Variants in GLCE observed in about 807,000 individuals in gnomAD.
GLCE encodes glucuronic acid epimerase, also known as D-glucuronyl C5-epimerase.
A neutral mutation model predicts 47.9 loss-of-function variants in GLCE; 19 were observed. That is an observed-to-expected ratio of 0.40 (90% CI 0.28 to 0.58). GLCE has a LOEUF of 0.58. GLCE is among the 20% of genes least tolerant of loss of function. GLCE has a pLI of 0.48. For synonymous variants in GLCE, 245 were observed against 263.4 expected, an observed-to-expected ratio of 0.93 and a Z score of 0.68; for missense variants, 556 against 743.3, an observed-to-expected ratio of 0.75 and a Z score of 2.93.
chr15:69,233,372 A>T (rs2052551079), intron 2 of GLCE, among the ~76,000 whole-genome samples: 1 of 152,152 alleles, frequency 6.6e-6, no homozygotes, highest in African/African-American at 2.4e-5. Context: ...TTAGTTTATA[A>T]ATTCCCCTTG....
intron 2 of GLCE, among the ~76,000 whole-genome samples, chr15:69,223,531 C>T (rs2052405361): frequency 6.6e-6 from 1 of 152,138 alleles, no homozygotes. Flanking sequence ...TCGATAGTTT[C>T]ATTATACTAT....
intron 1 of GLCE, among the ~76,000 whole-genome samples, chr15:69,204,407 C>G (rs201472987): frequency 1.3e-5 from 2 of 151,456 alleles, no homozygotes; most frequent in Non-Finnish European, 1.5e-5. Flanking sequence ...CTCAGCCTCC[C>G]GAGTAGCTGG....
At position 69,269,427 on chromosome 15, in the gene GLCE, G is replaced by T; in HGVS notation, c.*183G>T. The T allele has an allele frequency of 1.7e-6, 1 of 593,422 alleles. No homozygotes were observed. 36.8% of individuals were successfully genotyped at this position (593,422 alleles called of 1,614,324 possible). ...TTGCATTCCATGGGTTGGGTATTTA[G>T]AAATGTAGGTGGCATTTAGAACACA... On this transcript the variant is annotated 3_prime_UTR_variant, in exon 5 of 5. Coordinates refer to ENST00000261858, the MANE Select transcript of GLCE (RefSeq NM_015554.3).
At chr15:69,198,123 T>A (rs543437918) in intron 1 of GLCE, among the ~76,000 whole-genome samples, 80 of 152,220 alleles carry the variant, frequency 5.3e-4, no homozygotes, top group South Asian at 8.3e-4. Flanking sequence ...TTCTTTTTTT[T>A]AAAAAACCCT....
intron 2 of GLCE, among the ~76,000 whole-genome samples, chr15:69,247,408 G>A (rs1020816622): frequency 6.6e-6 from 1 of 152,158 alleles, no homozygotes; most frequent in Non-Finnish European, 1.5e-5. Context: ...GGATTATTAG[G>A]CTTTGGCTTC....
intron 2 of GLCE, among the ~76,000 whole-genome samples, chr15:69,232,506 A>C (rs2140406253): frequency 6.6e-6 from 1 of 152,142 alleles, no homozygotes; most frequent in East Asian, 1.9e-4. Context: ...CTTACTCCTG[A>C]GTTATTTGTC....
In GLCE at chr15:69,268,689, G is replaced by T. The variant is rs769357133; in HGVS notation, c.1299G>T (p.Gly433=). 6.2e-7 allele frequency: 1 copy of T among 1,614,192 alleles called. No homozygotes were observed. Among genetic ancestry groups the T allele is most frequent in the Admixed American group, 1.7e-5 (1 of 60,022 alleles). Residue 433 remains glycine (G), a synonymous_variant, in exon 5 of 5, where the codon GGG becomes GGT. Transcript: ENST00000261858. ...TGGTGACCCGTAAGTTAGGGGAAGG[G>T]TTCAAGTCTTTAGAGCCAGGATGGT... ...PIMVTRKLGE[G]FKSLEPGWYS...
chr15:69,212,374 C>T (rs1464317679), intron 2 of GLCE, among the ~76,000 whole-genome samples: 1 of 151,736 alleles, frequency 6.6e-6, no homozygotes, highest in Non-Finnish European at 1.5e-5. Context: ...GAAATAAACT[C>T]ATAGGAAAGT....
chr15:69,220,660 A>G (rs1488303311), intron 2 of GLCE, among the ~76,000 whole-genome samples: 2 of 152,134 alleles, frequency 1.3e-5, no homozygotes, highest in African/African-American at 4.8e-5. Context: ...TTTAAAAGTT[A>G]TCTATATATT....
At chr15:69,186,677 G>A (rs2051828821) in intron 1 of GLCE, among the ~76,000 whole-genome samples, 1 of 152,168 alleles carries the variant, frequency 6.6e-6, no homozygotes, top group Non-Finnish European at 1.5e-5. Context: ...TGAATAGTTA[G>A]CTACTAGTTA....
intron 1 of GLCE, among the ~76,000 whole-genome samples, chr15:69,167,292 C>A (rs998683173): frequency 6.6e-6 from 1 of 152,196 alleles, no homozygotes; most frequent in Admixed American, 6.5e-5. Context: ...TTTTCCCCCT[C>A]AAGGGGAAGA....
At chr15:69,195,934 A>G (rs564227595) in intron 1 of GLCE, among the ~76,000 whole-genome samples, 2 of 152,228 alleles carry the variant, frequency 1.3e-5, no homozygotes, top group East Asian at 3.9e-4. Flanking sequence ...TTCTGCCTCT[A>G]TGGAGCTTAC....
chr15:69,216,897 A>G (rs2052315289), intron 2 of GLCE, among the ~76,000 whole-genome samples: 1 of 152,134 alleles, frequency 6.6e-6, no homozygotes, highest in African/African-American at 2.4e-5. Flanking sequence ...TTCCTATTTC[A>G]GTAGGAGAAA....
Position 69,268,374 on chromosome 15 carries a change from G to A in GLCE, c.984G>A (p.Gln328=), listed in dbSNP as rs2053115431. Residue 328 remains glutamine (Q), a synonymous_variant, in exon 5 of 5, where the codon CAG becomes CAA. Coordinates refer to ENST00000261858, the MANE Select transcript of GLCE (RefSeq NM_015554.3). ...CTATACATTATGTCTCAAATGCTCA[G>A]CTAATTGCTTTTAAAGAAAGAGATA... ...LFTIHYVSNA[Q]LIAFKERDIY... The A allele has an allele frequency of 6.2e-7, 1 of 1,614,002 alleles. No individual in the cohort carries two copies. The highest frequency in any genetic ancestry group is 8.5e-7 in the Non-Finnish European group (1 of 1,179,994).
chr15:69,256,095 A>G lies in GLCE; in HGVS notation c.289A>G (p.Ser97Gly). ...TGGGGGCTTCAATAGCAATGTGGGA[A>G]GTAAGGTGTTAGGGCTCAAATATGA... The part of the protein sequence containing the change: ...VVGGFNSNVG[S>G]KVLGLKYEEI... The change falls in exon 3 of 5, where the codon AGT becomes GGT. Residue 97 changes from serine to glycine, a missense_variant. By Grantham distance (56) the Ser-to-Gly change is moderately conservative (BLOSUM62 0). Around this residue, in one of 3 missense-constraint regions of GLCE, gnomAD observed 237 missense variants for 310.9 expected, o/e 0.76. Coordinates refer to ENST00000261858, the MANE Select transcript of GLCE (RefSeq NM_015554.3). The G allele has an allele frequency of 6.2e-7, 1 of 1,614,148 alleles. No individual in the cohort carries two copies. The highest frequency in any genetic ancestry group is 8.5e-7 in the Non-Finnish European group (1 of 1,180,014).
intron 1 of GLCE, among the ~76,000 whole-genome samples, chr15:69,191,095 G>T (rs949094917): frequency 1.1e-4 from 17 of 152,042 alleles, no homozygotes; most frequent in Non-Finnish European, 2.1e-4. Context: ...ATTTTAAAGA[G>T]TTGTAAAAAT....
chr15:69,195,902 A>G (rs1055578032), intron 1 of GLCE, among the ~76,000 whole-genome samples: 1 of 152,216 alleles, frequency 6.6e-6, no homozygotes, highest in Non-Finnish European at 1.5e-5. Context: ...CACATACAAC[A>G]GTAAACAAAA....
chr15:69,268,955 TAAAAG>T lies in GLCE; in HGVS notation c.1569_1573del (p.Lys523AsnfsTer15). Reference sequence around the variant, plus strand: ...TATTCTTTAATTGGGCTGTATGACTTAAAAGAAACTGCAGGGGAAAAACTCGGAAA... The same window carrying T: ...TATTCTTTAATTGGGCTGTATGACTTAAACTGCAGGGGAAAAACTCGGAAA... On this transcript the variant is annotated frameshift_variant, in exon 5 of 5. Coordinates refer to ENST00000261858, the MANE Select transcript of GLCE (RefSeq NM_015554.3). LOFTEE classifies it high-confidence loss of function. 1 of 1,614,200 alleles carries T rather than the reference TAAAAG, an allele frequency of 6.2e-7. No individual in the cohort carries two copies. The highest frequency in any genetic ancestry group is 8.5e-7 in the Non-Finnish European group (1 of 1,180,034).
chr15:69,268,275 AT>A lies in GLCE; in HGVS notation c.888del (p.Phe296LeufsTer6). 1 of 1,612,086 alleles carries A rather than the reference AT, an allele frequency of 6.2e-7. No homozygotes were observed. Among genetic ancestry groups the A allele is most frequent in the Non-Finnish European group, 8.5e-7 (1 of 1,179,008 alleles). Reference protein sequence around the residue: ...LGNTKDFIISFDLKFLTNGSV... With the variant: ...LGNTKDFIISXDLKFLTNGSV... ...GAAACACAAAAGATTTTATTATTTC[AT>A]TTGACCTCAAGTTCTTGACAAATGG... On this transcript the variant is annotated frameshift_variant, in exon 5 of 5. Coordinates refer to ENST00000261858, the MANE Select transcript of GLCE (RefSeq NM_015554.3). LOFTEE classifies it high-confidence loss of function.
Sources: allele counts gnomAD v4.1 joint callset (sites outside exome capture counted in the v4.1 genomes callset), GRCh38; gene constraint gnomAD v4.1.1; regional missense constraint gnomAD v4.1.1; transcripts MANE v1.5; gene names NCBI Gene and HGNC (gene_info 2026-07-23, HGNC 2026-07-21).